CHRNA7: variants seen among roughly 807,000 people sequenced by gnomAD.
CHRNA7 encodes the protein neuronal acetylcholine receptor subunit alpha-7.
A neutral mutation model predicts 48.0 loss-of-function variants in CHRNA7; 17 were observed. The ratio of observed to expected loss-of-function variants is 0.35; its 90% CI spans 0.24 to 0.53. The LOEUF (loss-of-function observed/expected upper bound fraction) is 0.53. CHRNA7 is among the 20% of genes least tolerant of loss of function. The probability of loss-of-function intolerance (pLI) is 0.92; values close to 1 mark genes in which losing one functional copy is unlikely to be tolerated. For missense variants in CHRNA7, 155 were observed against 577.7 expected (o/e 0.27, Z 7.50); for synonymous variants, 75 against 242.3 (o/e 0.31, Z 6.41).
chr15:32,050,438 C>A (rs1489916322), intron 2 of CHRNA7, among the ~76,000 whole-genome samples: 4 of 152,190 alleles, frequency 2.6e-5, no homozygotes, highest in African/African-American at 9.7e-5. Flanking sequence ...TTGATCGCAT[C>A]GGCTCCTGAG....
chr15:32,139,727 T>C (rs2051343320), intron 4 of CHRNA7, among the ~76,000 whole-genome samples: 1 of 152,184 alleles, frequency 6.6e-6, no homozygotes, highest in African/African-American at 2.4e-5. Flanking sequence ...TTCTTATTGC[T>C]GAGTTTTAAG....
At chr15:32,126,542 C>T (rs951252042) in intron 4 of CHRNA7, among the ~76,000 whole-genome samples, 3 of 152,162 alleles carry the variant, frequency 2.0e-5, no homozygotes, top group African/African-American at 4.8e-5. Context: ...TTCTGTTCCT[C>T]GCTCCCTAAA....
At chr15:32,096,981 G>A (rs191833328) in intron 2 of CHRNA7, among the ~76,000 whole-genome samples, 21 of 152,240 alleles carry the variant, frequency 1.4e-4, no homozygotes, top group Non-Finnish European at 2.6e-4. Flanking sequence ...GAGGGAGAGG[G>A]GAGTGTAGAT....
At chr15:32,069,236 G>A (rs373273977) in intron 2 of CHRNA7, among the ~76,000 whole-genome samples, 1 of 152,166 alleles carries the variant, frequency 6.6e-6, no homozygotes, top group Non-Finnish European at 1.5e-5. Context: ...CAAGTATCCA[G>A]CATATGTTAA....
chr15:32,154,792 T>C (rs2051701236), intron 5 of CHRNA7, among the ~76,000 whole-genome samples: 1 of 139,330 alleles, frequency 7.2e-6, no homozygotes, highest in African/African-American at 2.9e-5. Context: ...CACATACGAC[T>C]CACACACACA....
intron 2 of CHRNA7, among the ~76,000 whole-genome samples, chr15:32,061,545 C>T (rs544088163): frequency 2.4e-4 from 37 of 152,290 alleles, no homozygotes; most frequent in Admixed American, 1.6e-3. Context: ...CGGTGGCTCA[C>T]GTCTGCAATT....
chr15:32,044,013 AC>A (rs1437759297), intron 2 of CHRNA7, among the ~76,000 whole-genome samples: 2 of 152,086 alleles, frequency 1.3e-5, no homozygotes, highest in African/African-American at 4.8e-5. Flanking sequence ...GTGTTTTCTG[AC>A]TTCAGTACTT....
intron 4 of CHRNA7, among the ~76,000 whole-genome samples, chr15:32,134,539 G>A (rs2051213651): frequency 6.6e-6 from 1 of 152,056 alleles, no homozygotes; most frequent in Non-Finnish European, 1.5e-5. Flanking sequence ...AACTGTATGA[G>A]GAATGAAACA....
chr15:32,117,034 A>G (rs556289251), intron 4 of CHRNA7, among the ~76,000 whole-genome samples: 3 of 152,176 alleles, frequency 2.0e-5, no homozygotes, highest in Non-Finnish European at 2.9e-5. Flanking sequence ...ATTGTTGCCA[A>G]GCGTCTTAGG....
In CHRNA7 at chr15:32,059,944, CAAAAAAAAAAA is replaced by C. The variant is rs34200550; in HGVS notation, c.195+28927_195+28937del. Among the ~76,000 whole-genome samples, 150 of 33,058 alleles carry C rather than the reference CAAAAAAAAAAA, an allele frequency of 4.5e-3. 1 individual carries two copies. Among genetic ancestry groups the C allele is most frequent in the Middle Eastern group, 0.056 (1 of 18 alleles). The allele number at this position is 33,058 out of a possible 152,430, so 21.7% of individuals were successfully genotyped here. ...ATCTCTGAAACGCCAAGTAGAAAAGCAAAAAAAAAAAAAAAAAAAAAAAAAAAAAAGTGTTT... is the reference window on the plus strand; with the variant it reads ...ATCTCTGAAACGCCAAGTAGAAAAGCAAAAAAAAAAAAAAAAAAAGTGTTT... On this transcript the variant is annotated intron_variant, in intron 2 of 9. Coordinates refer to ENST00000306901, the MANE Select transcript of CHRNA7 (RefSeq NM_000746.6).
intron 2 of CHRNA7, among the ~76,000 whole-genome samples, chr15:32,047,631 A>T (rs1413864591): frequency 1.3e-5 from 2 of 152,060 alleles, no homozygotes; most frequent in Admixed American, 1.3e-4. Context: ...GGACAATTTG[A>T]CTTCCTCTTT....
chr15:32,136,589 G>A (rs1201228395), intron 4 of CHRNA7, among the ~76,000 whole-genome samples: 1 of 152,024 alleles, frequency 6.6e-6, no homozygotes, highest in Non-Finnish European at 1.5e-5. Context: ...ACCCTCAGGT[G>A]TACTTATATG....
chr15:32,102,605 ATTT>A (rs1324145857), intron 3 of CHRNA7: 1 of 152,220 alleles, frequency 6.6e-6, no homozygotes, highest in Admixed American at 6.5e-5. Flanking sequence ...ATAAATTAAA[ATTT>A]TTAAGTAATT....
At chr15:32,070,778 G>A (rs972978917) in intron 2 of CHRNA7, among the ~76,000 whole-genome samples, 6 of 141,120 alleles carry the variant, frequency 4.3e-5, no homozygotes, top group Admixed American at 1.5e-4. Flanking sequence ...ACTCTGCCTC[G>A]CGGATTCACG....
At chr15:32,105,137 G>A (rs1362067352) in intron 3 of CHRNA7, among the ~76,000 whole-genome samples, 1 of 152,146 alleles carries the variant, frequency 6.6e-6, no homozygotes, top group African/African-American at 2.4e-5. Context: ...TTTTAATTAA[G>A]GCTTACATTT....
intron 3 of CHRNA7, among the ~76,000 whole-genome samples, chr15:32,110,866 A>C (rs1300989334): frequency 1.3e-5 from 2 of 152,180 alleles, no homozygotes; most frequent in Admixed American, 6.5e-5. Context: ...GGGGTGGTGC[A>C]TCACATACCT....
At chr15:32,101,169 G>T in intron 2 of CHRNA7, 134 bp from the exon 3 acceptor site, 1 of 822,880 alleles carries the variant, frequency 1.2e-6, no homozygotes, top group Non-Finnish European at 1.9e-6. Flanking sequence ...TGCATATATT[G>T]GAAGTGCTTG....
At chr15:32,128,938 C>T (rs1286206561) in intron 4 of CHRNA7, among the ~76,000 whole-genome samples, 5 of 151,788 alleles carry the variant, frequency 3.3e-5, no homozygotes, top group Non-Finnish European at 7.4e-5. Flanking sequence ...TCCCTCTATT[C>T]CAGTTTTCTG....
intron 4 of CHRNA7, among the ~76,000 whole-genome samples, chr15:32,144,810 AT>A (rs2051453890): frequency 6.6e-6 from 1 of 152,128 alleles, no homozygotes; most frequent in Admixed American, 6.5e-5. Flanking sequence ...CTAGTTAGCC[AT>A]TCATCTAACC....
Sources: gnomAD v4.1 joint callset for allele counts (sites outside exome capture counted in the v4.1 genomes callset) on GRCh38, gnomAD v4.1.1 for gene constraint, MANE v1.5 for transcripts, NCBI Gene and HGNC (gene_info 2026-07-23, HGNC 2026-07-21) for gene names.